The following SLC25A13 variants were observed in gnomAD, a reference collection of about 807,000 sequenced individuals.
SLC25A13 encodes the protein electrogenic aspartate/glutamate antiporter SLC25A13, mitochondrial.
SLC25A13 carries 70 observed loss-of-function variants against 85.5 expected under a neutral mutation model. The ratio of observed to expected loss-of-function variants is 0.82; its 90% CI spans 0.68 to 1.00. The LOEUF is 1.00. Ranked by LOEUF, SLC25A13 falls within the 50% of genes least tolerant of loss-of-function variation. SLC25A13 has a pLI of 0.00. For missense variants in SLC25A13, 765 were observed against 819.8 expected (o/e 0.93, Z 0.82); for synonymous variants, 259 against 288.7 (o/e 0.90, Z 1.04).
rs530273258 is a variant in SLC25A13 at position 96,252,737 on chromosome 7, G to A, written c.213-17820C>T. ...ATCATTGGATTCTGCTTTGAAGATC[G>A]TAACAAGGGCAGATTAGAGCATAGT... is the stretch of plus-strand genomic sequence containing the variant. On this transcript the variant is annotated intron_variant, in intron 3 of 17. Transcript: ENST00000265631. 3.9e-5 allele frequency among the ~76,000 whole-genome samples: 6 copies of A among 152,222 alleles called. No individual in the cohort carries two copies. In the South Asian group the frequency reaches 6.2e-4, roughly 16 times the overall value.
intron 13 of SLC25A13, among the ~76,000 whole-genome samples, chr7:96,166,333 A>C (rs1327796278): frequency 6.6e-6 from 1 of 152,222 alleles, no homozygotes; most frequent in Non-Finnish European, 1.5e-5. Context: ...ACTACACAAT[A>C]CTATTACTTT....
At chr7:96,189,457 T>C (rs1794760892) in intron 8 of SLC25A13, 79 bp from the exon 9 acceptor site, 2 of 1,556,808 alleles carry the variant, frequency 1.3e-6, no homozygotes, top group African/African-American at 2.7e-5. Flanking sequence ...AAACATCCCT[T>C]TTTTCATTTC....
intron 13 of SLC25A13, among the ~76,000 whole-genome samples, chr7:96,158,751 A>G (rs192021992): frequency 7.9e-5 from 12 of 152,358 alleles, no homozygotes; most frequent in African/African-American, 2.9e-4. Context: ...AACTACAAAC[A>G]AGATATATAG....
Position 96,268,733 on chromosome 7 carries a change from C to T in SLC25A13, c.212+8463G>A, listed in dbSNP as rs548162599. ...TCTCCAGCACTCTCAAGATAAAGAA[C>T]CCCAATCCTTAATATGAGGTACAAG... On this transcript the variant is annotated intron_variant, in intron 3 of 17. Coordinates refer to ENST00000265631, the MANE Select transcript of SLC25A13 (RefSeq NM_014251.3). Among the ~76,000 whole-genome samples the T allele has an allele frequency of 5.3e-5, 8 of 152,254 alleles. No homozygotes were observed. In the East Asian group the frequency reaches 1.5e-3, roughly 29 times the overall value.
At chr7:96,136,374 A>G (rs998221060) in intron 14 of SLC25A13, among the ~76,000 whole-genome samples, 11 of 152,192 alleles carry the variant, frequency 7.2e-5, no homozygotes, top group Non-Finnish European at 1.5e-5. Flanking sequence ...AAGCCCAAGG[A>G]AGCTTTAATC....
intron 4 of SLC25A13, among the ~76,000 whole-genome samples, chr7:96,217,054 A>T (rs547702970): frequency 6.6e-6 from 1 of 152,334 alleles, no homozygotes; most frequent in African/African-American, 2.4e-5. Context: ...AATCCTATTT[A>T]AAAATGGGCA....
chr7:96,133,603 GT>G (rs1407339674), intron 14 of SLC25A13, among the ~76,000 whole-genome samples: 1 of 152,080 alleles, frequency 6.6e-6, no homozygotes, highest in Non-Finnish European at 1.5e-5. Flanking sequence ...CTTACAACTA[GT>G]TTTTTAAAAA....
chr7:96,244,759 A>T (rs969698242), intron 3 of SLC25A13, among the ~76,000 whole-genome samples: 2 of 152,180 alleles, frequency 1.3e-5, no homozygotes, highest in Admixed American at 1.3e-4. Flanking sequence ...ATCTCGCTGC[A>T]GTGTTTGCCA....
intron 14 of SLC25A13, 122 bp from the exon 15 acceptor site, chr7:96,132,003 A>T: frequency 2.4e-6 from 3 of 1,239,446 alleles, no homozygotes; most frequent in Non-Finnish European, 3.5e-6. Flanking sequence ...GTACTCACAC[A>T]TTGAAAGGGG....
chr7:96,321,466 C>T (rs762557109), intron 1 of SLC25A13, among the ~76,000 whole-genome samples: 1 of 152,346 alleles, frequency 6.6e-6, no homozygotes, highest in Middle Eastern at 3.4e-3. Flanking sequence ...AACTTCCCCA[C>T]CCGCGGGAGG....
intron 2 of SLC25A13, among the ~76,000 whole-genome samples, chr7:96,288,498 G>C (rs1036598274): frequency 2.0e-5 from 3 of 152,210 alleles, no homozygotes; most frequent in Admixed American, 1.3e-4. Flanking sequence ...AGCGCAAGGG[G>C]TCAGGGAATT....
intron 15 of SLC25A13, among the ~76,000 whole-genome samples, chr7:96,128,015 C>T (rs944139790): frequency 2.0e-5 from 3 of 152,128 alleles, no homozygotes; most frequent in Non-Finnish European, 4.4e-5. Flanking sequence ...TGGGGTTGCA[C>T]GGGGCACACT....
intron 4 of SLC25A13, among the ~76,000 whole-genome samples, chr7:96,217,758 G>A (rs1562851381): frequency 6.6e-6 from 1 of 152,120 alleles, no homozygotes; most frequent in Non-Finnish European, 1.5e-5. Flanking sequence ...GATTGCTAAG[G>A]TGTGGTACGA....
chr7:96,229,456 A>G, intron 4 of SLC25A13, among the ~76,000 whole-genome samples: 1 of 152,152 alleles, frequency 6.6e-6, no homozygotes, highest in East Asian at 1.9e-4. Context: ...AGATAAGGGA[A>G]TAAAAGCAGG....
In SLC25A13 at chr7:96,231,781, G is replaced by A. The variant is rs1390501136; in HGVS notation, c.328+3021C>T. ...ACAACATGAACAGATATTTTCAAAA[G>A]AACACATATACGCGGCCAAGAAGCA... On this transcript the variant is annotated intron_variant, in intron 4 of 17. Transcript: ENST00000265631. 2.6e-5 allele frequency among the ~76,000 whole-genome samples: 4 copies of A among 151,040 alleles called. No homozygotes were observed. The East Asian group carries it at 7.7e-4, about 29-fold the overall frequency.
At chr7:96,239,682 T>C (rs1796892730) in intron 3 of SLC25A13, among the ~76,000 whole-genome samples, 1 of 152,154 alleles carries the variant, frequency 6.6e-6, no homozygotes, top group Non-Finnish European at 1.5e-5. Context: ...AAAGCAAATG[T>C]ACAAGTCACA....
chr7:96,133,396 G>A (rs1013403110), intron 14 of SLC25A13, among the ~76,000 whole-genome samples: 12 of 152,094 alleles, frequency 7.9e-5, no homozygotes, highest in Non-Finnish European at 1.2e-4. Flanking sequence ...GTAATCTATC[G>A]TCCTGGATGG....
At chr7:96,259,464 C>G (rs987997998) in intron 3 of SLC25A13, among the ~76,000 whole-genome samples, 4 of 152,150 alleles carry the variant, frequency 2.6e-5, no homozygotes, top group African/African-American at 4.8e-5. Flanking sequence ...AAAAGCTCAT[C>G]ATCACTGGTC....
At chr7:96,256,222 A>T (rs1287183460) in intron 3 of SLC25A13, among the ~76,000 whole-genome samples, 1 of 152,206 alleles carries the variant, frequency 6.6e-6, no homozygotes, top group Non-Finnish European at 1.5e-5. Context: ...TTCACACATA[A>T]CAATATTAAC....
Sources: gnomAD v4.1 joint callset for allele counts (sites outside exome capture counted in the v4.1 genomes callset) on GRCh38, gnomAD v4.1.1 for gene constraint, MANE v1.5 for transcripts, NCBI Gene and HGNC (gene_info 2026-07-23, HGNC 2026-07-21) for gene names.